The following AFF3 variants were observed in gnomAD, a reference collection of about 807,000 sequenced individuals.
The protein encoded by AFF3 is AF4/FMR2 family member 3.
Under a neutral mutation model 129.7 loss-of-function variants are expected in AFF3, and 32 were observed. The observed-to-expected ratio is 0.25, with a 90% CI of 0.19 to 0.33. The LOEUF (loss-of-function observed/expected upper bound fraction) is 0.33. Among genes scored for constraint, AFF3 ranks in the 10% least tolerant of loss-of-function variants. The pLI, the probability that AFF3 is intolerant of heterozygous loss-of-function variation, is 1.00. For missense variants in AFF3, 1,373 were observed against 1,592.0 expected (o/e 0.86, Z 2.34); for synonymous variants, 644 against 635.4 (o/e 1.01, Z -0.20).
intron 8 of AFF3, among the ~76,000 whole-genome samples, chr2:99,756,117 T>A (rs1412356926): frequency 6.6e-6 from 1 of 152,238 alleles, no homozygotes; most frequent in Non-Finnish European, 1.5e-5. Flanking sequence ...GGATCCTCAT[T>A]AAAGATGATC....
At chr2:99,838,260 G>A (rs932952379) in intron 7 of AFF3, among the ~76,000 whole-genome samples, 21 of 152,126 alleles carry the variant, frequency 1.4e-4, no homozygotes, top group Non-Finnish European at 1.9e-4. Flanking sequence ...AGAAGCAGTG[G>A]ACGCTGGTGA....
chr2:99,768,387 T>C (rs1683191461), intron 8 of AFF3, among the ~76,000 whole-genome samples: 7 of 152,204 alleles, frequency 4.6e-5, no homozygotes, highest in Admixed American at 3.9e-4. Context: ...AATATATGTA[T>C]ATTTAATGAG....
At position 100,115,087 on chromosome 2, in the gene AFF3, CAT is replaced by C. The variant is rs371449534; in HGVS notation, c.-144-9506_-144-9505del. 1.7e-3 allele frequency among the ~76,000 whole-genome samples: 256 copies of C among 152,308 alleles called. 2 individuals are homozygous for C. Among genetic ancestry groups the C allele is most frequent in the Non-Finnish European group, 2.8e-3 (189 of 68,028 alleles). ...GGAGGAAATGGTTGTACAAAATTAA[CAT>C]GTGGGATTTCCTGGTGATCTTCCTA... On this transcript the variant is annotated intron_variant, in intron 2 of 24. Coordinates refer to ENST00000672756, the MANE Select transcript of AFF3 (RefSeq NM_001386135.1).
intron 8 of AFF3, among the ~76,000 whole-genome samples, chr2:99,762,767 A>C (rs778426759): frequency 6.6e-6 from 1 of 152,248 alleles, no homozygotes; most frequent in Non-Finnish European, 1.5e-5. Flanking sequence ...TCAGAAACTT[A>C]CTGTTTTCTA....
At chr2:100,117,913 T>C (rs1691793231) in intron 2 of AFF3, among the ~76,000 whole-genome samples, 1 of 152,196 alleles carries the variant, frequency 6.6e-6, no homozygotes, top group Non-Finnish European at 1.5e-5. Flanking sequence ...GCTTTCAGTA[T>C]TCCAACCCAA....
chr2:100,055,564 G>C, intron 4 of AFF3, among the ~76,000 whole-genome samples: 1 of 152,244 alleles, frequency 6.6e-6, no homozygotes, highest in Middle Eastern at 3.4e-3. Context: ...AGATGCTTGG[G>C]CATTAGTAAG....
chr2:100,042,062 C>A (rs1279081704), intron 4 of AFF3, among the ~76,000 whole-genome samples: 1 of 152,172 alleles, frequency 6.6e-6, no homozygotes, highest in Non-Finnish European at 1.5e-5. Flanking sequence ...ACCATCCCAA[C>A]CTCTCCAGCC....
rs746766729 is a variant in AFF3 at position 100,037,086 on chromosome 2, T to A, written c.54-28154A>T. On this transcript the variant is annotated intron_variant, in intron 4 of 24. Transcript: ENST00000672756. ...CAGTAATTCTATTGTTAAAAACTGT[T>A]ACTAAGAAAATTAACAGCAATGTGT... Among the ~76,000 whole-genome samples, 48 of 152,012 alleles carry A rather than the reference T, an allele frequency of 3.2e-4. 1 individual carries two copies. Among genetic ancestry groups the A allele is most frequent in the Admixed American group, 1.2e-3 (19 of 15,258 alleles).
chr2:99,650,665 A>G (rs915947943), intron 12 of AFF3, among the ~76,000 whole-genome samples: 3 of 152,104 alleles, frequency 2.0e-5, no homozygotes, highest in African/African-American at 4.8e-5. Context: ...AGAACTGCTG[A>G]CGTTAGGCGA....
At chr2:99,891,003 TCC>T (rs931499197) in intron 7 of AFF3, among the ~76,000 whole-genome samples, 1 of 152,072 alleles carries the variant, frequency 6.6e-6, no homozygotes, top group African/African-American at 2.4e-5. Flanking sequence ...TACACACAGT[TCC>T]CAATGGGAGG....
At chr2:99,816,833 C>T (rs998252219) in intron 8 of AFF3, among the ~76,000 whole-genome samples, 2 of 152,092 alleles carry the variant, frequency 1.3e-5, no homozygotes, top group African/African-American at 4.8e-5. Context: ...GCCCCTTCCC[C>T]ATGGGTAGAG....
intron 4 of AFF3, among the ~76,000 whole-genome samples, chr2:100,050,105 A>C (rs1164898353): frequency 6.6e-6 from 1 of 151,682 alleles, no homozygotes; most frequent in Non-Finnish European, 1.5e-5. Context: ...CCAGCTACTT[A>C]GGAGGCTGAG....
chr2:99,736,089 G>C (rs372062261), intron 10 of AFF3, among the ~76,000 whole-genome samples: 1 of 151,998 alleles, frequency 6.6e-6, no homozygotes, highest in East Asian at 1.9e-4. Context: ...TTCCCTGTCT[G>C]CTTGAAAATA....
At chr2:99,688,172 T>C (rs1373719528) in intron 11 of AFF3, among the ~76,000 whole-genome samples, 1 of 152,162 alleles carries the variant, frequency 6.6e-6, no homozygotes, top group African/African-American at 2.4e-5. Context: ...GTATGGACTC[T>C]TGCATGCTTT....
chr2:99,578,227 G>C (rs1320608546), intron 18 of AFF3, 100 bp downstream of exon 18: 3 of 1,450,062 alleles, frequency 2.1e-6, no homozygotes, highest in African/African-American at 2.9e-5. Context: ...AGGCCGCACT[G>C]TAGCTGAAGG....
chr2:99,604,445 G>A (rs1280375094), intron 13 of AFF3, among the ~76,000 whole-genome samples: 2 of 151,544 alleles, frequency 1.3e-5, no homozygotes, highest in Admixed American at 6.6e-5. Context: ...ACACTGAGAA[G>A]GGAACCACAC....
chr2:99,589,355 C>T (rs893166604), intron 15 of AFF3, among the ~76,000 whole-genome samples: 1 of 147,206 alleles, frequency 6.8e-6, no homozygotes, highest in African/African-American at 2.5e-5. Flanking sequence ...ATTGTTGGAA[C>T]ATATTGTGTG....
chr2:99,925,614 T>A (rs1014689688), intron 7 of AFF3, among the ~76,000 whole-genome samples: 15 of 152,344 alleles, frequency 9.8e-5, no homozygotes, highest in Admixed American at 2.0e-4. Context: ...ACAGACAGTA[T>A]GCTGAACTCT....
intron 13 of AFF3, among the ~76,000 whole-genome samples, chr2:99,609,781 C>T (rs914766671): frequency 6.6e-5 from 10 of 152,174 alleles, no homozygotes; most frequent in Admixed American, 6.5e-5. Flanking sequence ...CAGTACAATA[C>T]CAAAACCAGA....
Sources: gnomAD v4.1 joint callset for allele counts (sites outside exome capture counted in the v4.1 genomes callset) on GRCh38, gnomAD v4.1.1 for gene constraint, MANE v1.5 for transcripts, NCBI Gene and HGNC (gene_info 2026-07-23, HGNC 2026-07-21) for gene names.